The following SRR variants were observed in gnomAD, a reference collection of about 807,000 sequenced individuals.
SRR encodes serine racemase, also known as D-serine ammonia-lyase.
SRR carries 19 observed loss-of-function variants against 32.7 expected under a neutral mutation model. The observed-to-expected ratio is 0.58, with a 90% CI of 0.40 to 0.85. The LOEUF (loss-of-function observed/expected upper bound fraction) is 0.85. Ranked by LOEUF, SRR falls within the 40% of genes least tolerant of loss-of-function variation. The pLI is 0.00. For missense variants in SRR, 373 were observed against 404.7 expected, an observed-to-expected ratio of 0.92 and a Z score of 0.67; for synonymous variants, 142 against 140.9, an observed-to-expected ratio of 1.01 and a Z score of -0.06.
chr17:2,303,811 A>T (rs936763170), upstream of SRR: 2 of 1,096,184 alleles, frequency 1.8e-6, no homozygotes, highest in South Asian at 1.5e-5. Flanking sequence ...GCGCTCGCCC[A>T]CCTCCCGGCC....
intron 1 of SRR, among the ~76,000 whole-genome samples, chr17:2,314,860 T>G (rs530499263): frequency 3.4e-4 from 52 of 151,794 alleles, no homozygotes; most frequent in South Asian, 2.3e-3. Flanking sequence ...TTGTTAAATT[T>G]TTATTAAAAA....
At position 2,324,153 on chromosome 17, in the gene SRR, G is replaced by T; in HGVS notation, c.*280G>T. ...TCACAACTTGTGCCTCCCATCCCTG[G>T]AGTACTGACTGGCACCGGTAAGACA... On this transcript the variant is annotated 3_prime_UTR_variant, in exon 8 of 8. Transcript: ENST00000344595. The T allele has an allele frequency of 4.0e-6, 6 of 1,510,482 alleles. No individual in the cohort carries two copies. The highest frequency in any genetic ancestry group is 1.4e-5 in the South Asian group (1 of 71,574). 93.6% of individuals were successfully genotyped at this position (1,510,482 alleles called of 1,614,324 possible). A position where few individuals can be genotyped will look rare whatever the true frequency, so the allele number is the denominator to read the frequency against.
chr17:2,315,532 C>T (rs1308049691), intron 1 of SRR, 25 bp from the exon 2 acceptor site: 2 of 1,599,618 alleles, frequency 1.3e-6, no homozygotes, highest in Non-Finnish European at 8.5e-7. Flanking sequence ...TTTGCTTTGA[C>T]CCCTTTCTTA....
upstream of SRR, chr17:2,303,614 G>A: frequency 6.9e-7 from 1 of 1,439,316 alleles, no homozygotes; most frequent in Non-Finnish European, 9.1e-7. Flanking sequence ...CGGCCCAGGA[G>A]CTGGGCGGCG....
At position 2,307,209 on chromosome 17, in the gene SRR, T is replaced by C. The variant is rs143216921; in HGVS notation, c.-5+3192T>C. 1.3e-3 allele frequency: 1,694 copies of C among 1,347,006 alleles called. 13 individuals are homozygous for C. In the African/African-American group the frequency reaches 0.014, roughly 11 times the overall value. The allele number at this position is 1,347,006 out of a possible 1,614,324, so 83.4% of individuals were successfully genotyped here. A position where few individuals can be genotyped will look rare whatever the true frequency, so the allele number is the denominator to read the frequency against. ...GTGGCAAGAAAAGGGGCTTTGCCTT[T>C]GTAACCTTTGATGATCATGACTCCG... On this transcript the variant is annotated intron_variant, in intron 1 of 7. Coordinates refer to ENST00000344595, the MANE Select transcript of SRR (RefSeq NM_021947.3).
chr17:2,315,957 T>C (rs929325599), intron 2 of SRR, among the ~76,000 whole-genome samples: 1 of 152,102 alleles, frequency 6.6e-6, no homozygotes. Context: ...ATAATATATA[T>C]AACTTATCCG....
Position 2,319,012 on chromosome 17 carries a change from A to G in SRR, c.399+83A>G, listed in dbSNP as rs2075502802. 31 of 940,572 alleles carry G rather than the reference A, an allele frequency of 3.3e-5. No homozygotes were observed. In the South Asian group the frequency reaches 4.0e-4, roughly 12 times the overall value. 58.3% of individuals were successfully genotyped at this position (940,572 alleles called of 1,614,324 possible). On this transcript the variant is annotated intron_variant, in intron 4 of 7. Coordinates refer to ENST00000344595, the MANE Select transcript of SRR (RefSeq NM_021947.3). ...TCTACCTTACTGGCTGCTCCTTCTC[A>G]GCCTCCTTTGTGGTTTCCCCTTTAT... is the stretch of plus-strand genomic sequence containing the variant.
chr17:2,307,404 C>T (rs1451669109), intron 1 of SRR: 1 of 1,209,846 alleles, frequency 8.3e-7, no homozygotes, highest in African/African-American at 1.5e-5. Context: ...GGAATGACAA[C>T]TTTGGTTGTG....
intron 1 of SRR, among the ~76,000 whole-genome samples, chr17:2,311,922 TAAG>T (rs2075436288): frequency 6.6e-6 from 1 of 152,150 alleles, no homozygotes; most frequent in Admixed American, 6.5e-5. Flanking sequence ...AATGGTGTGT[TAAG>T]AAGGCTGGGT....
At chr17:2,318,693 A>G in intron 3 of SRR, 133 bp from the exon 4 acceptor site, 1 of 523,182 alleles carries the variant, frequency 1.9e-6, no homozygotes, top group Non-Finnish European at 3.5e-6. Context: ...GATGGTCTCA[A>G]TTTCCTGACC....
Position 2,324,941 on chromosome 17 carries a change from A to AG in SRR, c.*1069dup. ...GAGCCTGGTTTGTCATCCCTGCCCT[A>AG]GCCCAATCTGAGGCTAAGATTGGTA... is the stretch of plus-strand genomic sequence containing the variant. On this transcript the variant is annotated 3_prime_UTR_variant, in exon 8 of 8. Transcript: ENST00000344595. 8.0e-7 allele frequency: 1 copy of AG among 1,256,506 alleles called. No homozygotes were observed. The highest frequency in any genetic ancestry group is 1.5e-5 in the African/African-American group (1 of 66,378). 77.8% of individuals were successfully genotyped at this position (1,256,506 alleles called of 1,614,324 possible). A position where few individuals can be genotyped will look rare whatever the true frequency, so the allele number is the denominator to read the frequency against.
At chr17:2,314,731 C>G (rs1169144664) in intron 1 of SRR, among the ~76,000 whole-genome samples, 1 of 149,118 alleles carries the variant, frequency 6.7e-6, no homozygotes, top group African/African-American at 2.5e-5. Flanking sequence ...CCAGCCGGGA[C>G]AACAGGAGTG....
chr17:2,306,393 A>T (rs1567772723), intron 1 of SRR, among the ~76,000 whole-genome samples: 1 of 151,814 alleles, frequency 6.6e-6, no homozygotes, highest in Non-Finnish European at 1.5e-5. Flanking sequence ...ATGAAGCAAA[A>T]CATTCTAACC....
At chr17:2,307,038 A>C (rs563912512) in intron 1 of SRR, 1 of 1,327,636 alleles carries the variant, frequency 7.5e-7, no homozygotes, top group Admixed American at 1.7e-5. Context: ...TCTCAAGAGA[A>C]GATTCTCAAA....
upstream of SRR, chr17:2,303,825 C>G: frequency 1.1e-6 from 1 of 917,148 alleles, no homozygotes; most frequent in South Asian, 1.7e-5. Context: ...CCCGGCCTTT[C>G]CCCGCCCCCT....
At chr17:2,315,360 T>A in intron 1 of SRR, 197 bp from the exon 2 acceptor site, 1 of 450,384 alleles carries the variant, frequency 2.2e-6, no homozygotes, top group Non-Finnish European at 3.8e-6. Context: ...GTTACTTCCC[T>A]CAAAGCTTCA....
intron 4 of SRR, among the ~76,000 whole-genome samples, chr17:2,320,466 G>A (rs1356922102): frequency 6.6e-6 from 1 of 150,918 alleles, no homozygotes; most frequent in Non-Finnish European, 1.5e-5. Context: ...ATATTGGCCA[G>A]GCTGGTCTCG....
chr17:2,323,731 T>C lies in SRR; in HGVS notation c.881T>C (p.Leu294Pro). Residue 294 changes from leucine (L) to proline (P), a missense_variant, in exon 8 of 8, where the codon CTG becomes CCG. Coordinates refer to ENST00000344595, the MANE Select transcript of SRR (RefSeq NM_021947.3). ...GCTGGTGTTGGAGTGGCTGCTGTGC[T>C]GTCTCAACATTTTCAAACTGTTTCC... ...PTAGVGVAAV[L>P]SQHFQTVSPE... 6.2e-7 allele frequency: 1 copy of C among 1,614,240 alleles called. No homozygotes were observed. The highest frequency in any genetic ancestry group is 8.5e-7 in the Non-Finnish European group (1 of 1,180,030).
rs1180351498 is a variant in SRR, at chr17:2,306,818, G to A, written c.-5+2801G>A. ...CAGCTGAAGAAGCTCTTCATTGGAG[G>A]GCTGAGCTTTGAAACAACCAATGAG... On this transcript the variant is annotated intron_variant, in intron 1 of 7. Coordinates refer to ENST00000344595, the MANE Select transcript of SRR (RefSeq NM_021947.3). 5 of 763,466 alleles carry A rather than the reference G, an allele frequency of 6.5e-6. No homozygotes were observed. The Admixed American group carries it at 9.0e-5, about 14-fold the overall frequency. 47.3% of individuals were successfully genotyped at this position (763,466 alleles called of 1,614,324 possible).
Sources: gnomAD v4.1 joint callset for allele counts (sites outside exome capture counted in the v4.1 genomes callset) on GRCh38, gnomAD v4.1.1 for gene constraint, MANE v1.5 for transcripts, NCBI Gene and HGNC (gene_info 2026-07-23, HGNC 2026-07-21) for gene names.